Variants in PACSIN2 observed in about 807,000 individuals in gnomAD.
The protein encoded by PACSIN2 is protein kinase C and casein kinase substrate in neurons protein 2.
Under a neutral mutation model 63.8 loss-of-function variants are expected in PACSIN2, and 25 were observed. The ratio of observed to expected loss-of-function variants is 0.39; its 90% CI spans 0.29 to 0.55. PACSIN2 has a LOEUF of 0.55. Ranked by LOEUF, PACSIN2 falls within the 20% of genes least tolerant of loss-of-function variation. The pLI, the probability that PACSIN2 is intolerant of heterozygous loss-of-function variation, is 0.62. For synonymous variants in PACSIN2, 255 were observed against 256.2 expected, an observed-to-expected ratio of 1.00 and a Z score of 0.05; for missense variants, 518 against 646.9, an observed-to-expected ratio of 0.80 and a Z score of 2.16.
intron 5 of PACSIN2, among the ~76,000 whole-genome samples, chr22:42,885,285 ACACTTCCCCGCACC>A (rs1929392930): frequency 6.6e-6 from 1 of 152,050 alleles, no homozygotes; most frequent in Non-Finnish European, 1.5e-5. Context: ...ACACTGGTAC[ACACTTCCCCGCACC>A]CCCTCATCTC....
At chr22:42,955,659 A>G (rs1933885364) in intron 1 of PACSIN2, among the ~76,000 whole-genome samples, 1 of 152,268 alleles carries the variant, frequency 6.6e-6, no homozygotes, top group Non-Finnish European at 1.5e-5. Flanking sequence ...TGAAAGATTT[A>G]TCCACCAAAA....
At chr22:42,982,880 AAAAAAAAAAACAAC>A (rs1569350268) in intron 1 of PACSIN2, among the ~76,000 whole-genome samples, 2 of 134,012 alleles carry the variant, frequency 1.5e-5, no homozygotes, top group African/African-American at 2.9e-5. Flanking sequence ...AAAAAAAAAA[AAAAAAAAAAACAAC>A]AACAAGGCTA....
chr22:42,935,077 G>A (rs544954086), intron 1 of PACSIN2, among the ~76,000 whole-genome samples: 27 of 151,108 alleles, frequency 1.8e-4, no homozygotes, highest in Admixed American at 7.2e-4. Flanking sequence ...CACCGCGCCC[G>A]GCTAATTTTT....
intron 1 of PACSIN2, among the ~76,000 whole-genome samples, chr22:42,960,693 G>A (rs1569507): frequency 0.66 from 100,885 of 152,090 alleles, 35,341 homozygotes; most frequent in African/African-American, 0.88. Flanking sequence ...CTTCGAAGCC[G>A]GGACAGGGAA....
chr22:42,921,736 G>C (rs1698534953), intron 1 of PACSIN2, among the ~76,000 whole-genome samples: 1 of 140,210 alleles, frequency 7.1e-6, no homozygotes, highest in Non-Finnish European at 1.6e-5. Context: ...ACTTCATTTA[G>C]AAGCTTTTTT....
chr22:42,946,497 G>A (rs1933427923), intron 1 of PACSIN2, among the ~76,000 whole-genome samples: 1 of 152,196 alleles, frequency 6.6e-6, no homozygotes, highest in Non-Finnish European at 1.5e-5. Context: ...GGAGGTTGCA[G>A]TGAGATCGCA....
At position 42,876,995 on chromosome 22, in the gene PACSIN2, C is replaced by T. The variant is rs746632811; in HGVS notation, c.1044G>A (p.Pro348=). 1.5e-5 allele frequency: 24 copies of T among 1,613,970 alleles called. No individual in the cohort carries two copies. Among genetic ancestry groups the T allele is most frequent in the African/African-American group, 9.3e-5 (7 of 74,894 alleles). The change falls in exon 9 of 11, where the codon CCG becomes CCA. Residue 348 remains proline, a synonymous_variant. Coordinates refer to ENST00000263246, the MANE Select transcript of PACSIN2 (RefSeq NM_001184970.3). The part of the protein sequence containing the change: ...PSKPSSTLNV[P]SNPAQSAQSQ... ...ACTGCGCAGACTGGGCGGGGTTGCT[C>T]GGGACATTAAGGGTGCTATGGAGAG...
intron 2 of PACSIN2, among the ~76,000 whole-genome samples, chr22:42,909,772 T>C (rs923603569): frequency 5.3e-5 from 8 of 152,238 alleles, no homozygotes; most frequent in African/African-American, 1.7e-4. Context: ...TGAATGTTTT[T>C]TAACAAGCAG....
intron 1 of PACSIN2, among the ~76,000 whole-genome samples, chr22:42,930,114 G>C (rs191476837): frequency 6.6e-6 from 1 of 152,232 alleles, no homozygotes; most frequent in Non-Finnish European, 1.5e-5. Context: ...CGAACCATGA[G>C]GTGACTTGGG....
intron 2 of PACSIN2, among the ~76,000 whole-genome samples, chr22:42,896,325 G>C (rs765416133): frequency 2.0e-5 from 3 of 152,072 alleles, no homozygotes; most frequent in Non-Finnish European, 4.4e-5. Flanking sequence ...GATCCATGTT[G>C]CTATCTACGT....
chr22:42,892,077 C>G (rs1297897678), intron 3 of PACSIN2, among the ~76,000 whole-genome samples: 1 of 152,200 alleles, frequency 6.6e-6, no homozygotes, highest in Non-Finnish European at 1.5e-5. Context: ...TGCTCTGGAC[C>G]AGTATGGCAG....
At chr22:42,915,989 C>T (rs977694520) in intron 1 of PACSIN2, among the ~76,000 whole-genome samples, 3 of 152,288 alleles carry the variant, frequency 2.0e-5, no homozygotes, top group Middle Eastern at 3.4e-3. Flanking sequence ...GAGTCAGTGA[C>T]GTAATGCAGA....
chr22:42,979,942 C>T (rs1157857526), intron 1 of PACSIN2, among the ~76,000 whole-genome samples: 3 of 152,142 alleles, frequency 2.0e-5, no homozygotes, highest in Non-Finnish European at 2.9e-5. Flanking sequence ...ATTACACATA[C>T]GCACATACAT....
chr22:43,009,480 C>T (rs1332394616), intron 1 of PACSIN2, among the ~76,000 whole-genome samples: 1 of 152,186 alleles, frequency 6.6e-6, no homozygotes, highest in East Asian at 1.9e-4. Flanking sequence ...TGGGTCCACG[C>T]CTATGAAGCT....
chr22:42,964,324 A>T (rs536434294), intron 1 of PACSIN2, among the ~76,000 whole-genome samples: 1 of 151,766 alleles, frequency 6.6e-6, no homozygotes, highest in Non-Finnish European at 1.5e-5. Context: ...AGGCTGAGGC[A>T]GGAGAATTGC....
chr22:42,919,831 C>G (rs920190059), intron 1 of PACSIN2, among the ~76,000 whole-genome samples: 3 of 146,290 alleles, frequency 2.1e-5, no homozygotes, highest in African/African-American at 7.6e-5. Context: ...AGAAACTGAG[C>G]TCAGCCAGGC....
intron 1 of PACSIN2, among the ~76,000 whole-genome samples, chr22:42,987,667 G>T (rs192958955): frequency 2.6e-5 from 4 of 151,016 alleles, no homozygotes; most frequent in Non-Finnish European, 5.9e-5. Context: ...AAGTAGCTGG[G>T]ACTACAGGTG....
intron 2 of PACSIN2, among the ~76,000 whole-genome samples, chr22:42,896,822 T>C (rs1437854292): frequency 1.3e-5 from 2 of 152,284 alleles, no homozygotes. Flanking sequence ...GCCATTCTAC[T>C]TAGTGTAGCA....
chr22:42,880,269 G>A lies in PACSIN2; in HGVS notation c.907-1100C>T, dbSNP rs372329504. 5.3e-5 allele frequency among the ~76,000 whole-genome samples: 8 copies of A among 152,336 alleles called. No homozygotes were observed. The East Asian group carries it at 1.4e-3, about 26-fold the overall frequency. On this transcript the variant is annotated intron_variant, in intron 7 of 10. Transcript: ENST00000263246. ...CAGAAAGGCAATGTGATTTGCCCAC[G>A]CAGTGTGGGTGGCAGACTTGGGCCC...
Sources: allele counts gnomAD v4.1 joint callset (sites outside exome capture counted in the v4.1 genomes callset), GRCh38; gene constraint gnomAD v4.1.1; transcripts MANE v1.5; gene names NCBI Gene and HGNC (gene_info 2026-07-23, HGNC 2026-07-21).